ANKS1A: variants seen among roughly 807,000 people sequenced by gnomAD.
ANKS1A encodes ankyrin repeat and sterile alpha motif domain containing 1A.
A neutral mutation model predicts 120.3 loss-of-function variants in ANKS1A; 55 were observed. The ratio of observed to expected loss-of-function variants is 0.46; its 90% CI spans 0.37 to 0.57. The LOEUF (loss-of-function observed/expected upper bound fraction) is 0.57, where lower values mean the gene tolerates loss of function less well. Ranked by LOEUF, ANKS1A falls within the 20% of genes least tolerant of loss-of-function variation. The pLI, the probability that ANKS1A is intolerant of heterozygous loss-of-function variation, is 0.00. For synonymous variants in ANKS1A, 590 were observed against 604.7 expected (o/e 0.98, Z 0.36); for missense variants, 1,123 against 1,480.3 (o/e 0.76, Z 3.96).
chr6:35,023,154 G>A (rs1774431548), intron 11 of ANKS1A, among the ~76,000 whole-genome samples: 2 of 152,152 alleles, frequency 1.3e-5, no homozygotes, highest in Non-Finnish European at 1.5e-5. Context: ...TTCTCTCTGG[G>A]TTCTAGTAAA....
At chr6:35,036,631 C>G (rs1165410275) in intron 11 of ANKS1A, among the ~76,000 whole-genome samples, 1 of 152,218 alleles carries the variant, frequency 6.6e-6, no homozygotes, top group African/African-American at 2.4e-5. Flanking sequence ...CATACCAAAT[C>G]TGGTTTTGGT....
intron 9 of ANKS1A, among the ~76,000 whole-genome samples, chr6:34,992,547 TAAGTG>T (rs1415064383): frequency 6.6e-6 from 1 of 152,242 alleles, no homozygotes; most frequent in Non-Finnish European, 1.5e-5. Context: ...GGGCTCTGTG[TAAGTG>T]ATAGCTGTAG....
At chr6:35,049,099 G>T (rs1348307925) in intron 11 of ANKS1A, among the ~76,000 whole-genome samples, 3 of 152,244 alleles carry the variant, frequency 2.0e-5, no homozygotes, top group African/African-American at 7.2e-5. Context: ...TCGAGGCTCT[G>T]CAGGATTGCT....
intron 13 of ANKS1A, among the ~76,000 whole-genome samples, chr6:35,067,662 GA>G (rs550678983): frequency 8.5e-5 from 13 of 152,114 alleles, no homozygotes; most frequent in Non-Finnish European, 1.5e-4. Context: ...GGAAAAAAAA[GA>G]AAAACTGTCT....
At position 35,060,272 on chromosome 6, in the gene ANKS1A, C is replaced by T. The variant is rs759327461; in HGVS notation, c.2184+19C>T. On this transcript the variant is annotated intron_variant, in intron 13 of 23. Coordinates refer to ENST00000360359, the MANE Select transcript of ANKS1A (RefSeq NM_015245.3). This position sits in a 1 kb window ranked among gnomAD's most constrained non-coding sequence, Gnocchi z 4.5. The stretch of plus-strand genomic sequence containing the variant: ...CTTCCTGGTAAGTGGCTGCAGGCCT[C>T]CTCAATGGCAGGGTGCTGCTCAGTG... 6.3e-7 allele frequency: 1 copy of T among 1,598,420 alleles called. No individual in the cohort carries two copies. Among genetic ancestry groups the T allele is most frequent in the Non-Finnish European group, 8.5e-7 (1 of 1,172,106 alleles).
chr6:35,020,067 C>T (rs1225412925), intron 11 of ANKS1A, among the ~76,000 whole-genome samples: 1 of 151,884 alleles, frequency 6.6e-6, no homozygotes, highest in Admixed American at 6.6e-5. Flanking sequence ...AGGGTGCTGA[C>T]TGTGTGTAAG....
At chr6:34,989,343 T>C (rs1195871107) in intron 9 of ANKS1A, 27 bp downstream of exon 9, 13 of 1,598,618 alleles carry the variant, frequency 8.1e-6, no homozygotes, top group Admixed American at 3.5e-5. Flanking sequence ...TTATTCCCCA[T>C]TGCTGAAATT....
chr6:34,904,993 T>C (rs543791185), intron 1 of ANKS1A, among the ~76,000 whole-genome samples: 2 of 152,322 alleles, frequency 1.3e-5, no homozygotes, highest in East Asian at 3.9e-4. Context: ...GTATTTTTAA[T>C]AGACACAGGG....
intron 9 of ANKS1A, among the ~76,000 whole-genome samples, chr6:34,990,331 G>T (rs1156589453): frequency 6.6e-6 from 1 of 152,096 alleles, no homozygotes; most frequent in Non-Finnish European, 1.5e-5. Flanking sequence ...CTTTCCTTTA[G>T]TTACAAAATG....
At chr6:34,979,513 C>T (rs1771787848) in intron 3 of ANKS1A, among the ~76,000 whole-genome samples, 1 of 152,172 alleles carries the variant, frequency 6.6e-6, no homozygotes, top group South Asian at 2.1e-4. Flanking sequence ...TGATTATGAC[C>T]TTGCCTTTAG....
chr6:35,084,243 C>T lies in ANKS1A; in HGVS notation c.3117C>T (p.Phe1039=), dbSNP rs1561968366. 6.2e-7 allele frequency: 1 copy of T among 1,614,158 alleles called. No homozygotes were observed. Among genetic ancestry groups the T allele is most frequent in the Middle Eastern group, 1.7e-4 (1 of 6,060 alleles). The part of the protein sequence containing the change: ...LQTSHHYCHV[F]STVDVNLTYE... ...CCAGCCACCACTATTGCCATGTGTT[C>T]AGCACCGTGGATGTGGTGGGTGGGG... The change falls in exon 21 of 24, where the codon TTC becomes TTT. Residue 1039 remains phenylalanine (F), a synonymous_variant. Coordinates refer to ENST00000360359, the MANE Select transcript of ANKS1A (RefSeq NM_015245.3). This position sits in a 1 kb window ranked among gnomAD's most constrained non-coding sequence, Gnocchi z 4.8.
intron 13 of ANKS1A, among the ~76,000 whole-genome samples, chr6:35,072,483 G>A (rs820066): frequency 0.8 from 121,800 of 152,228 alleles, 49,705 homozygotes; most frequent in South Asian, 0.92. Context: ...CCACGATCAT[G>A]GGCGACTCTA....
At chr6:34,890,037 A>AT (rs1332903466) in intron 1 of ANKS1A, among the ~76,000 whole-genome samples, 7 of 151,390 alleles carry the variant, frequency 4.6e-5, no homozygotes, top group Non-Finnish European at 1.0e-4. Flanking sequence ...AATTCTATTG[A>AT]TTTTCTTCTC....
At position 35,091,125 on chromosome 6, in the gene ANKS1A, C is replaced by T; in HGVS notation, c.*2516C>T. The T allele has an allele frequency of 1.0e-6, 1 of 985,920 alleles. No individual in the cohort carries two copies. 61.1% of individuals were successfully genotyped at this position (985,920 alleles called of 1,614,324 possible). A position where few individuals can be genotyped will look rare whatever the true frequency, so the allele number is the denominator to read the frequency against. On this transcript the variant is annotated 3_prime_UTR_variant, in exon 24 of 24. Coordinates refer to ENST00000360359, the MANE Select transcript of ANKS1A (RefSeq NM_015245.3). ...GCTCATGGTGTGGCAATGGACTGAA[C>T]TGTAATGAAAATGTTATTTAATCTT...
chr6:35,073,103 T>C (rs1777159411), intron 13 of ANKS1A, among the ~76,000 whole-genome samples: 1 of 152,212 alleles, frequency 6.6e-6, no homozygotes, highest in African/African-American at 2.4e-5. Context: ...TTGCAGGTCA[T>C]GGGTGTGAAG....
chr6:34,967,543 T>TAAA (rs1561877342), intron 2 of ANKS1A, among the ~76,000 whole-genome samples: 14 of 150,066 alleles, frequency 9.3e-5, no homozygotes, highest in African/African-American at 3.2e-4. Context: ...AAAAAAAAAT[T>TAAA]TTTTTAATTA....
intron 1 of ANKS1A, among the ~76,000 whole-genome samples, chr6:34,903,729 A>T (rs996628766): frequency 3.3e-5 from 5 of 151,936 alleles, no homozygotes; most frequent in Non-Finnish European, 5.9e-5. Flanking sequence ...GTTGGCCAGG[A>T]TGGTCTCGAT....
chr6:35,091,869 C>T (rs370526627), downstream of ANKS1A, among the ~76,000 whole-genome samples: 52 of 152,308 alleles, frequency 3.4e-4, no homozygotes, highest in African/African-American at 1.1e-3. Context: ...AGCCCGAAGC[C>T]GTGCTATGGT....
In ANKS1A at chr6:35,078,639, G is replaced by T. The variant is rs758393206; in HGVS notation, c.2266G>T (p.Ala756Ser). The part of the protein sequence containing the change: ...PQHRRKLLQA[A>S]RSLPKVKALG... The stretch of plus-strand genomic sequence containing the variant: ...GCACCGGCGGAAGCTGCTCCAGGCG[G>T]CACGCTCCCTACCCAAGGTGACCAT... Residue 756 changes from alanine to serine, a missense_variant, in exon 14 of 24, where the codon GCA (alanine) becomes TCA (serine). By Grantham distance (99) the Ala-to-Ser change is moderately conservative (BLOSUM62 1). Coordinates refer to ENST00000360359, the MANE Select transcript of ANKS1A (RefSeq NM_015245.3). 5.1e-5 allele frequency: 82 copies of T among 1,602,840 alleles called. No individual in the cohort carries two copies. Among genetic ancestry groups the T allele is most frequent in the Non-Finnish European group, 6.8e-5 (80 of 1,179,866 alleles).
Sources: allele counts gnomAD v4.1 joint callset (sites outside exome capture counted in the v4.1 genomes callset), GRCh38; gene constraint gnomAD v4.1.1; non-coding constraint Gnocchi (gnomAD v3.1); transcripts MANE v1.5; gene names NCBI Gene and HGNC (gene_info 2026-07-23, HGNC 2026-07-21).